Variants in NRG3 observed in about 807,000 individuals in gnomAD.
NRG3 encodes pro-neuregulin-3, membrane-bound isoform.
NRG3 carries 31 observed loss-of-function variants against 66.9 expected under a neutral mutation model. That is an observed-to-expected ratio of 0.46 (90% CI 0.35 to 0.63). The LOEUF is 0.63. Among genes scored for constraint, NRG3 ranks in the 20% least tolerant of loss-of-function variants. The pLI, the probability that NRG3 is intolerant of heterozygous loss-of-function variation, is 0.00. For synonymous variants in NRG3, 393 were observed against 359.4 expected, an observed-to-expected ratio of 1.09 and a Z score of -1.06; for missense variants, 910 against 878.9, an observed-to-expected ratio of 1.04 and a Z score of -0.45.
intron 3 of NRG3, among the ~76,000 whole-genome samples, chr10:82,816,629 C>T (rs532329697): frequency 1.3e-5 from 2 of 152,330 alleles, no homozygotes; most frequent in Non-Finnish European, 2.9e-5. Context: ...GGTCTTTACC[C>T]CTTCCCACAG....
intron 1 of NRG3, among the ~76,000 whole-genome samples, chr10:82,036,884 T>A (rs771267052): frequency 5.1e-4 from 78 of 152,108 alleles, no homozygotes; most frequent in Non-Finnish European, 8.7e-4. Context: ...AGGTCACTGT[T>A]TAACGAACAG....
At position 82,189,980 on chromosome 10, in the gene NRG3, AAAC is replaced by A. The variant is rs200457631; in HGVS notation, c.824-168756_824-168754del. ...CCCGCCTGAAAATAAAAAAACAAAC[AAAC>A]AAAAAAAACAGAGAAATTTTGAACA... On this transcript the variant is annotated intron_variant, in intron 1 of 8. Coordinates refer to ENST00000372141, the MANE Select transcript of NRG3 (RefSeq NM_001010848.4). 4.5e-4 allele frequency among the ~76,000 whole-genome samples: 67 copies of A among 150,096 alleles called. No homozygotes were observed. The East Asian group carries it at 0.011, about 24-fold the overall frequency.
At chr10:82,956,705 T>C (rs1351873563) in intron 5 of NRG3, among the ~76,000 whole-genome samples, 1 of 151,946 alleles carries the variant, frequency 6.6e-6, no homozygotes, top group South Asian at 2.1e-4. Context: ...AGACATGCAC[T>C]CTTACTTTTT....
chr10:82,390,651 C>T (rs1564869722), intron 2 of NRG3, among the ~76,000 whole-genome samples: 1 of 152,026 alleles, frequency 6.6e-6, no homozygotes, highest in Non-Finnish European at 1.5e-5. Flanking sequence ...CTTGTCTTAA[C>T]CTAGAGGTTA....
chr10:82,411,837 A>G (rs901684408), intron 2 of NRG3, among the ~76,000 whole-genome samples: 25 of 152,146 alleles, frequency 1.6e-4, no homozygotes, highest in African/African-American at 2.7e-4. Flanking sequence ...CAGAAATTCC[A>G]TATCTTAGGT....
At chr10:82,761,555 G>A (rs562518718) in intron 3 of NRG3, among the ~76,000 whole-genome samples, 2 of 152,016 alleles carry the variant, frequency 1.3e-5, no homozygotes, top group South Asian at 2.1e-4. Context: ...AAAGTGCTCA[G>A]CATAAAAACC....
chr10:82,141,752 A>T (rs1031538575), intron 1 of NRG3, among the ~76,000 whole-genome samples: 1 of 152,216 alleles, frequency 6.6e-6, no homozygotes, highest in Non-Finnish European at 1.5e-5. Context: ...CTGCTAAAAT[A>T]AAGTAGAATT....
chr10:82,105,159 T>C (rs1364729747), intron 1 of NRG3, among the ~76,000 whole-genome samples: 1 of 152,166 alleles, frequency 6.6e-6, no homozygotes, highest in African/African-American at 2.4e-5. Context: ...TTAAAAAGTA[T>C]TGGAGCTATT....
At chr10:82,091,781 T>C (rs2066040107) in intron 1 of NRG3, among the ~76,000 whole-genome samples, 1 of 152,174 alleles carries the variant, frequency 6.6e-6, no homozygotes, top group African/African-American at 2.4e-5. Context: ...AATGCATAGG[T>C]GTTCTAATTT....
intron 2 of NRG3, among the ~76,000 whole-genome samples, chr10:82,627,200 G>T (rs11195354): frequency 0.021 from 3,254 of 152,126 alleles, 110 homozygotes; most frequent in African/African-American, 0.075. Flanking sequence ...TCCTGCCATG[G>T]TTTCCTTCCA....
chr10:82,018,975 G>A lies in NRG3; in HGVS notation c.823+142812G>A, dbSNP rs574566436. On this transcript the variant is annotated intron_variant, in intron 1 of 8. Coordinates refer to ENST00000372141, the MANE Select transcript of NRG3 (RefSeq NM_001010848.4). ...TGGCCAGAACTTCCAACACTATATT[G>A]AATAGGAGTGGTGAGAGAAGGCATC... 2.0e-5 allele frequency among the ~76,000 whole-genome samples: 3 copies of A among 152,158 alleles called. No individual in the cohort carries two copies. The East Asian group carries it at 5.8e-4, about 30-fold the overall frequency.
intron 4 of NRG3, among the ~76,000 whole-genome samples, chr10:82,881,553 T>G (rs1842299161): frequency 6.6e-6 from 1 of 152,224 alleles, no homozygotes; most frequent in Non-Finnish European, 1.5e-5. Context: ...TCAATGATTC[T>G]GCTTTTCTAT....
In NRG3 at chr10:81,911,603, G is replaced by GGTTTTTTTTT. The variant is rs1306854861; in HGVS notation, c.823+35440_823+35441insGTTTTTTTTT. 7.7e-5 allele frequency among the ~76,000 whole-genome samples: 6 copies of GGTTTTTTTTT among 77,944 alleles called. 1 individual carries two copies. The highest frequency in any genetic ancestry group is 1.8e-4 in the African/African-American group (4 of 21,960). The allele number at this position is 77,944 out of a possible 152,430, so 51.1% of individuals were successfully genotyped here. On this transcript the variant is annotated intron_variant, in intron 1 of 8. Coordinates refer to ENST00000372141, the MANE Select transcript of NRG3 (RefSeq NM_001010848.4). ...TGTCTTCACCCTCTAGCACAGACTT[G>GGTTTTTTTTT]TTTTTTTTTTTTTTTTTTTTTTTTT...
chr10:82,638,657 T>G (rs1350506494), intron 2 of NRG3, among the ~76,000 whole-genome samples: 1 of 152,064 alleles, frequency 6.6e-6, no homozygotes, highest in Admixed American at 6.6e-5. Flanking sequence ...CTTTTTTTTT[T>G]TTTCTTTTGA....
intron 2 of NRG3, among the ~76,000 whole-genome samples, chr10:82,391,750 C>G (rs2086380372): frequency 6.6e-6 from 1 of 151,968 alleles, no homozygotes; most frequent in South Asian, 2.1e-4. Context: ...AAGAAATAAG[C>G]TTTTGTGTGT....
At chr10:82,398,395 T>G (rs2086852481) in intron 2 of NRG3, among the ~76,000 whole-genome samples, 1 of 152,140 alleles carries the variant, frequency 6.6e-6, no homozygotes, top group Admixed American at 6.6e-5. Context: ...TCCCAAATTT[T>G]AAAAGGAGTT....
intron 2 of NRG3, among the ~76,000 whole-genome samples, chr10:82,499,095 T>C (rs866486416): frequency 6.6e-5 from 10 of 152,148 alleles, no homozygotes; most frequent in African/African-American, 2.4e-4. Context: ...AACACAAAGA[T>C]GCCTTGAGAA....
At chr10:82,010,246 G>A (rs541573833) in intron 1 of NRG3, among the ~76,000 whole-genome samples, 2 of 152,162 alleles carry the variant, frequency 1.3e-5, no homozygotes, top group African/African-American at 4.8e-5. Context: ...CATTGGCCAA[G>A]GTCATAAACA....
intron 1 of NRG3, among the ~76,000 whole-genome samples, chr10:82,330,632 A>T (rs2082097365): frequency 6.6e-6 from 1 of 152,214 alleles, no homozygotes; most frequent in Non-Finnish European, 1.5e-5. Flanking sequence ...TGGAAATATG[A>T]GGTCAAAAAT....
Sources: gnomAD v4.1 joint callset for allele counts (sites outside exome capture counted in the v4.1 genomes callset) on GRCh38, gnomAD v4.1.1 for gene constraint, MANE v1.5 for transcripts, NCBI Gene and HGNC (gene_info 2026-07-23, HGNC 2026-07-21) for gene names.